The following KRT17 variants were observed in gnomAD, a reference collection of about 807,000 sequenced individuals.
The protein encoded by KRT17 is keratin, type I cytoskeletal 17.
KRT17 carries 29 observed loss-of-function variants against 45.6 expected under a neutral mutation model. That is an observed-to-expected ratio of 0.64 (90% CI 0.47 to 0.87). The LOEUF (loss-of-function observed/expected upper bound fraction) is 0.87. Ranked by LOEUF, KRT17 falls within the 40% of genes least tolerant of loss-of-function variation. The pLI, the probability that KRT17 is intolerant of heterozygous loss-of-function variation, is 0.00. For missense variants in KRT17, 536 were observed against 577.8 expected (o/e 0.93, Z 0.74); for synonymous variants, 219 against 234.6 (o/e 0.93, Z 0.61).
Position 41,624,370 on chromosome 17 carries a change from C to G in KRT17, c.140G>C (p.Gly47Ala). The change falls in exon 1 of 8, where the codon GGC (glycine) becomes GCC (alanine). Residue 47 changes from glycine to alanine, a missense_variant. Coordinates refer to ENST00000311208, the MANE Select transcript of KRT17 (RefSeq NM_000422.3). ...AGSCRLGSAG[G>A]LGSTLGGSSY... ...GCTACCCCCGAGGGTGCTGCCCAGG[C>G]CGCCAGCAGATCCCAGCCTGCAGGA... 5.0e-6 allele frequency: 8 copies of G among 1,611,090 alleles called. No homozygotes were observed. The highest frequency in any genetic ancestry group is 6.8e-6 in the Non-Finnish European group (8 of 1,179,708).
intron 1 of KRT17, 117 bp from the exon 2 acceptor site, chr17:41,623,149 C>G: frequency 1.2e-6 from 1 of 809,636 alleles, no homozygotes; most frequent in South Asian, 1.4e-5. Flanking sequence ...CTCCCTTGCC[C>G]CGTGCTGTAT....
At chr17:41,619,989 C>T in intron 7 of KRT17, 1 of 985,418 alleles carries the variant, frequency 1.0e-6, no homozygotes, top group Non-Finnish European at 1.2e-6. Context: ...AAATCCGTCT[C>T]CATTTCTCTG....
intron 3 of KRT17, 63 bp downstream of exon 3, chr17:41,622,292 C>T (rs1478755835): frequency 6.2e-7 from 1 of 1,606,694 alleles, no homozygotes; most frequent in South Asian, 1.1e-5. Flanking sequence ...CAGCCATTGC[C>T]CAGCCCCAGG....
At chr17:41,620,171 G>C in intron 7 of KRT17, 1 of 985,316 alleles carries the variant, frequency 1.0e-6, no homozygotes, top group Non-Finnish European at 1.2e-6. Context: ...CTCCCATCAG[G>C]CTACAGACCC....
intron 1 of KRT17, among the ~76,000 whole-genome samples, chr17:41,623,529 G>T (rs977013707): frequency 6.6e-6 from 1 of 152,118 alleles, no homozygotes; most frequent in Non-Finnish European, 1.5e-5. Flanking sequence ...CGCCCCCTGG[G>T]GTTTGCTGAG....
chr17:41,622,543 C>T (rs1260995499), intron 2 of KRT17, 32 bp from the exon 3 acceptor site: 2 of 1,612,056 alleles, frequency 1.2e-6, no homozygotes, highest in African/African-American at 1.3e-5. Flanking sequence ...TCAGCCCAGG[C>T]TGCTTGGACC....
Position 41,621,599 on chromosome 17 carries a change from G to A in KRT17, c.828C>T (p.Phe276=). The A allele has an allele frequency of 1.2e-6, 2 of 1,612,042 alleles. No homozygotes were observed. The highest frequency in any genetic ancestry group is 1.7e-6 in the Non-Finnish European group (2 of 1,179,850). Reference sequence around the variant, plus strand: ...GGCCTGCAGCACCCCCCACCTTGCTGAAGAACCAATCCTCGGCATCCTTGC... The same window carrying A: ...GGCCTGCAGCACCCCCCACCTTGCTAAAGAACCAATCCTCGGCATCCTTGC... ...KNRKDAEDWF[F]SKTEELNREV... is the part of the protein sequence containing the mutation. The change falls in exon 4 of 8, where the codon TTC becomes TTT. Residue 276 remains phenylalanine (F), a synonymous_variant. Transcript: ENST00000311208.
In KRT17 at chr17:41,620,768, A is replaced by G. The variant is rs1158140967; in HGVS notation, c.1072T>C (p.Cys358Arg). The G allele has an allele frequency of 3.7e-6, 6 of 1,612,618 alleles. No homozygotes were observed. The African/African-American group carries it at 6.7e-5, about 18-fold the overall frequency. Residue 358 changes from cysteine (C) to arginine (R), a missense_variant, in exon 6 of 8, where the codon TGC becomes CGC. Transcript: ENST00000311208. ...SVEEQLAQLR[C>R]EMEQQNQEYK... Reference sequence around the variant, plus strand: ...TCCTGGTTCTGCTGCTCCATCTCGCAGCGAAGCTGGGCCAGCTGCTCCTCC... The same window carrying G: ...TCCTGGTTCTGCTGCTCCATCTCGCGGCGAAGCTGGGCCAGCTGCTCCTCC...
chr17:41,623,120 C>T lies in KRT17; in HGVS notation c.433-88G>A, dbSNP rs569985860. On this transcript the variant is annotated intron_variant, in intron 1 of 7. Coordinates refer to ENST00000311208, the MANE Select transcript of KRT17 (RefSeq NM_000422.3). Reference sequence around the variant, plus strand: ...TGAGCAGATCTTCCTGCCTCAGGGCCTCTCTTCTCGCCCAGCCCCTCCCTT... The same window carrying T: ...TGAGCAGATCTTCCTGCCTCAGGGCTTCTCTTCTCGCCCAGCCCCTCCCTT... 19 of 1,016,872 alleles carry T rather than the reference C, an allele frequency of 1.9e-5. 1 individual carries two copies. In the South Asian group the frequency reaches 2.3e-4, roughly 12 times the overall value. 63.0% of individuals were successfully genotyped at this position (1,016,872 alleles called of 1,614,324 possible).
chr17:41,622,154 G>A (rs994982014), intron 3 of KRT17: 10 of 705,442 alleles, frequency 1.4e-5, no homozygotes, highest in Non-Finnish European at 2.5e-5. Context: ...CTTGTGTACA[G>A]AGAAGCAGTG....
chr17:41,624,290 C>T lies in KRT17; in HGVS notation c.220G>A (p.Gly74Arg), dbSNP rs368097553. The T allele has an allele frequency of 6.2e-7, 1 of 1,612,428 alleles. No individual in the cohort carries two copies. The highest frequency in any genetic ancestry group is 8.5e-7 in the Non-Finnish European group (1 of 1,180,008). The change falls in exon 1 of 8, where the codon GGG (glycine) becomes AGG (arginine). Residue 74 changes from glycine (G) to arginine (R), a missense_variant. Gly to Arg is a moderately radical substitution (Grantham distance 125). Transcript: ENST00000311208. Reference sequence around the variant, plus strand: ...CCAGCCAGCAGCCCATCAACACCCCCAAAGCTGCTGCCATAGCCACCACCA... The same window carrying T: ...CCAGCCAGCAGCCCATCAACACCCCTAAAGCTGCTGCCATAGCCACCACCA... ...GSGGGYGSSF[G>R]GVDGLLAGGE...
chr17:41,620,968 T>G lies in KRT17; in HGVS notation c.958A>C (p.Met320Leu), dbSNP rs1908519115. Residue 320 changes from methionine to leucine, a missense_variant and splice_region_variant, in exon 5 of 8, where the codon ATG becomes CTG. By Grantham distance (15) the Met-to-Leu change is conservative (BLOSUM62 2). Transcript: ENST00000311208. ...CCCATGCACAGGACTGTTCCTACCA[T>G]GCTGAGCTGGGACTGCAGCTCTATC... The part of the protein sequence containing the change: ...LEIELQSQLS[M>L]KASLEGNLAE... 2 of 1,614,170 alleles carry G rather than the reference T, an allele frequency of 1.2e-6. No homozygotes were observed. The highest frequency in any genetic ancestry group is 1.7e-6 in the Non-Finnish European group (2 of 1,180,012).
intron 4 of KRT17, among the ~76,000 whole-genome samples, 177 bp downstream of exon 4, chr17:41,621,416 G>T (rs566636689): frequency 3.5e-5 from 5 of 144,292 alleles, no homozygotes; most frequent in Non-Finnish European, 7.6e-5. Context: ...CCACCCACCC[G>T]CCAGATCCCA....
At chr17:41,622,264 T>G in intron 3 of KRT17, 91 bp downstream of exon 3, 19 of 1,534,306 alleles carry the variant, frequency 1.2e-5, no homozygotes, top group Non-Finnish European at 1.7e-5. Flanking sequence ...GCACCTGCTC[T>G]GCTCTCTCCC....
At chr17:41,620,941 C>A in intron 5 of KRT17, 25 bp downstream of exon 5, 1 of 1,614,046 alleles carries the variant, frequency 6.2e-7, no homozygotes, top group South Asian at 1.1e-5. Context: ...TCTGGGCCCT[C>A]CCCCATGCAC....
chr17:41,621,746 G>T lies in KRT17; in HGVS notation c.681C>A (p.Asn227Lys), dbSNP rs147053246. Reference sequence around the variant, plus strand: ...CACCACCCACCTGGCCTCGCAGGGCGTTCATCTCCTATGGAAAAAGGGGAT... The same window carrying T: ...CACCACCCACCTGGCCTCGCAGGGCTTTCATCTCCTATGGAAAAAGGGGAT... ...YLKKNHEEEM[N>K]ALRGQVGGEI... is the part of the protein sequence containing the mutation. Residue 227 changes from asparagine (N) to lysine (K), a missense_variant, in exon 4 of 8, where the codon AAC becomes AAA. By Grantham distance (94) the Asn-to-Lys change is moderately conservative (BLOSUM62 0). Transcript: ENST00000311208. 1.2e-6 allele frequency: 2 copies of T among 1,612,006 alleles called. No homozygotes were observed. Among genetic ancestry groups the T allele is most frequent in the East Asian group, 2.2e-5 (1 of 44,874 alleles).
At chr17:41,620,157 C>T (rs1908488110) in intron 7 of KRT17, 1 of 985,382 alleles carries the variant, frequency 1.0e-6, no homozygotes, top group Non-Finnish European at 1.2e-6. Flanking sequence ...GACCATGTCC[C>T]TATCTCCCAT....
At position 41,624,137 on chromosome 17, in the gene KRT17, G is replaced by T. The variant is rs747955715; in HGVS notation, c.373C>A (p.Pro125Thr). The change falls in exon 1 of 8, where the codon CCG (proline) becomes ACG (threonine). Residue 125 changes from proline to threonine, a missense_variant. By Grantham distance (38) the Pro-to-Thr change is conservative. Transcript: ENST00000311208. ...KIRDWYQRQA[P>T]GPARDYSQYY... ...TGGCTGTAGTCACGGGCGGGCCCCG[G>T]GGCCTGCCTCTGGTACCAGTCACGG... 6.8e-6 allele frequency: 11 copies of T among 1,612,018 alleles called. No homozygotes were observed. Among genetic ancestry groups the T allele is most frequent in the Admixed American group, 5.0e-5 (3 of 60,002 alleles).
Position 41,619,551 on chromosome 17 carries a change from T to TGCCTCCCTGCCTCCTGGGTGGCC in KRT17, c.*20_*42dup. 6.2e-7 allele frequency: 1 copy of TGCCTCCCTGCCTCCTGGGTGGCC among 1,611,612 alleles called. No individual in the cohort carries two copies. ...GAGACTGTGGGGCAGATGGGGCGGC[T>TGCCTCCCTGCCTCCTGGGTGGCC]GCCTCCCTGCCTCCTGGGTGGCCGG... On this transcript the variant is annotated 3_prime_UTR_variant, in exon 8 of 8. Transcript: ENST00000311208.
Sources: allele counts gnomAD v4.1 joint callset (sites outside exome capture counted in the v4.1 genomes callset), GRCh38; gene constraint gnomAD v4.1.1; transcripts MANE v1.5; gene names NCBI Gene and HGNC (gene_info 2026-07-23, HGNC 2026-07-21).